POLA1: variants seen among roughly 807,000 people sequenced by gnomAD.
POLA1 encodes the protein DNA polymerase alpha 1, catalytic subunit.
In POLA1, 15 loss-of-function variants were observed where a neutral mutation model predicts 124.0. The observed-to-expected ratio is 0.12, with a 90% CI of 0.08 to 0.19. The LOEUF (loss-of-function observed/expected upper bound fraction) is 0.19, where lower values mean the gene tolerates loss of function less well. Among genes scored for constraint, POLA1 ranks in the 10% least tolerant of loss-of-function variants. The pLI is 1.00. For synonymous variants in POLA1, 408 were observed against 389.4 expected, an observed-to-expected ratio of 1.05 and a Z score of -0.56; for missense variants, 886 against 1,103.4, an observed-to-expected ratio of 0.80 and a Z score of 2.79.
intron 36 of POLA1, among the ~76,000 whole-genome samples, chrX:24,952,970 G>A (rs1472786501): frequency 8.9e-6 from 1 of 112,004 alleles, no homozygotes; most frequent in Non-Finnish European, 1.9e-5. Context: ...GGTAGTGATA[G>A]GTAAATAAGA....
At chrX:24,902,905 T>C (rs753091419) in intron 35 of POLA1, among the ~76,000 whole-genome samples, 1 of 112,285 alleles carries the variant, frequency 8.9e-6, no homozygotes, top group Non-Finnish European at 1.9e-5. Context: ...ATAAATATGG[T>C]ACTTTACCCC....
chrX:24,801,768 A>G (rs2045707712), intron 26 of POLA1, among the ~76,000 whole-genome samples: 1 of 111,292 alleles, frequency 9.0e-6, no homozygotes, highest in African/African-American at 3.3e-5. Flanking sequence ...TTCAGTTGCT[A>G]TCTCCATTTT....
At chrX:24,948,295 A>G (rs914954618) in intron 36 of POLA1, among the ~76,000 whole-genome samples, 1 of 111,533 alleles carries the variant, frequency 9.0e-6, no homozygotes, top group Non-Finnish European at 1.9e-5. Context: ...TATGTCCAAA[A>G]TAGACCTCAT....
intron 34 of POLA1, among the ~76,000 whole-genome samples, chrX:24,875,827 G>A (rs774098795): frequency 9.0e-6 from 1 of 111,713 alleles, no homozygotes; most frequent in Non-Finnish European, 1.9e-5. Context: ...CTTCTCTCTC[G>A]AGATCTCGGC....
intron 34 of POLA1, among the ~76,000 whole-genome samples, chrX:24,851,634 C>G (rs2046563548): frequency 8.8e-6 from 1 of 113,054 alleles, no homozygotes; most frequent in Non-Finnish European, 1.9e-5. Context: ...TTTGCCTCCT[C>G]TGACGGGAAA....
intron 13 of POLA1, 136 bp from the exon 14 acceptor site, chrX:24,726,797 A>C: frequency 2.4e-6 from 1 of 421,763 alleles, no homozygotes; most frequent in Non-Finnish European, 3.9e-6. Flanking sequence ...TTTGTGGCAA[A>C]TTACATTTCA....
intron 36 of POLA1, among the ~76,000 whole-genome samples, chrX:24,951,915 G>C (rs950138297): frequency 1.8e-5 from 2 of 111,898 alleles, no homozygotes; most frequent in Non-Finnish European, 1.9e-5. Flanking sequence ...CCACAATGGA[G>C]TCTGACACCC....
At chrX:24,853,276 G>C (rs2046589369) in intron 34 of POLA1, among the ~76,000 whole-genome samples, 1 of 112,324 alleles carries the variant, frequency 8.9e-6, no homozygotes, top group Non-Finnish European at 1.9e-5. Context: ...AAAATGAAGA[G>C]TTTTAGTTTA....
intron 36 of POLA1, among the ~76,000 whole-genome samples, chrX:24,962,340 A>G (rs932319970): frequency 1.1e-4 from 12 of 112,076 alleles, no homozygotes; most frequent in African/African-American, 3.9e-4. Context: ...GTGCCTAATT[A>G]CAATATAGCA....
At chrX:24,951,232 C>G (rs1305152432) in intron 36 of POLA1, among the ~76,000 whole-genome samples, 1 of 86,257 alleles carries the variant, frequency 1.2e-5, no homozygotes, top group African/African-American at 4.3e-5. Context: ...ACTACCTTAT[C>G]CTGATTACAA....
chrX:24,826,278 G>A (rs1394842759), intron 31 of POLA1, 149 bp from the exon 32 acceptor site: 3 of 399,061 alleles, frequency 7.5e-6, no homozygotes, highest in Non-Finnish European at 1.3e-5. Flanking sequence ...TCAACAATAG[G>A]TCAAAAAGAG....
chrX:24,743,338 G>C lies in POLA1; in HGVS notation c.2566+9G>C. 1 of 986,724 alleles carries C rather than the reference G, an allele frequency of 1.0e-6. No homozygotes were observed. Among genetic ancestry groups the C allele is most frequent in the Non-Finnish European group, 1.4e-6 (1 of 700,858 alleles). The allele number at this position is 986,724 out of a possible 1,213,427, so 81.3% of individuals were successfully genotyped here. A position where few individuals can be genotyped will look rare whatever the true frequency, so the allele number is the denominator to read the frequency against. On this transcript the variant is annotated intron_variant, in intron 23 of 36. Transcript: ENST00000379068. ...TTTGGACCCCAAAGTTGGTAAGGCT[G>C]GGCAGTGAATTGGTTTTCTCCCAGT... is the stretch of plus-strand genomic sequence containing the variant.
chrX:24,704,798 A>G (rs1362795996), intron 4 of POLA1, among the ~76,000 whole-genome samples: 1 of 112,194 alleles, frequency 8.9e-6, no homozygotes, highest in African/African-American at 3.2e-5. Context: ...TTTAATTCCT[A>G]CTGAAGTTAT....
chrX:24,808,560 A>G (rs2045844743), intron 26 of POLA1, among the ~76,000 whole-genome samples: 1 of 110,451 alleles, frequency 9.1e-6, no homozygotes, highest in South Asian at 3.8e-4. Flanking sequence ...CTGTACAGTC[A>G]GTATTAAAAC....
chrX:24,698,740 G>A (rs983280670), intron 1 of POLA1, among the ~76,000 whole-genome samples: 11 of 110,973 alleles, frequency 9.9e-5, no homozygotes, highest in African/African-American at 2.6e-4. Context: ...TGCAGCCTCC[G>A]CCTCCCGGGT....
At chrX:24,941,578 A>G (rs1429976056) in intron 36 of POLA1, among the ~76,000 whole-genome samples, 4 of 112,603 alleles carry the variant, frequency 3.6e-5, no homozygotes, top group African/African-American at 1.3e-4. Context: ...TTTATGCTGT[A>G]CTATCTGGTT....
chrX:24,807,206 CAA>C (rs1393757462), intron 26 of POLA1, among the ~76,000 whole-genome samples: 1 of 111,818 alleles, frequency 8.9e-6, no homozygotes, highest in South Asian at 3.8e-4. Context: ...TGTTGTGAAA[CAA>C]GAGTAGAAGA....
chrX:24,721,280 T>G (rs2464708), intron 10 of POLA1, among the ~76,000 whole-genome samples: 14 of 112,499 alleles, frequency 1.2e-4, no homozygotes, highest in African/African-American at 4.2e-4. Flanking sequence ...CTGAAAGATA[T>G]AATAGCTCTT....
intron 34 of POLA1, among the ~76,000 whole-genome samples, chrX:24,863,033 A>C (rs2046738753): frequency 8.9e-6 from 1 of 112,030 alleles, no homozygotes; most frequent in Admixed American, 9.5e-5. Flanking sequence ...AACTCTGAAA[A>C]TTTTAGCTGG....
Sources: gnomAD v4.1 joint callset for allele counts (sites outside exome capture counted in the v4.1 genomes callset) on GRCh38, gnomAD v4.1.1 for gene constraint, MANE v1.5 for transcripts, NCBI Gene and HGNC (gene_info 2026-07-23, HGNC 2026-07-21) for gene names.